KCNG3: variants seen among roughly 807,000 people sequenced by gnomAD.
KCNG3 encodes the protein potassium voltage-gated channel modifier subfamily G member 3, also known as voltage-gated potassium channel regulatory subunit KCNG3.
KCNG3 carries 15 observed loss-of-function variants against 29.0 expected under a neutral mutation model. The ratio of observed to expected loss-of-function variants is 0.52; its 90% confidence interval spans 0.35 to 0.80. The LOEUF (loss-of-function observed/expected upper bound fraction) is 0.80, where lower values mean the gene tolerates loss of function less well. Ranked by LOEUF, KCNG3 falls within the 30% of genes least tolerant of loss-of-function variation. The pLI is 0.01. For synonymous variants in KCNG3, 322 were observed against 248.9 expected (o/e 1.29, Z -2.76); for missense variants, 512 against 605.7 (o/e 0.85, Z 1.62).
the KCNG3 span, among the ~76,000 whole-genome samples, chr2:42,415,281 C>G: frequency 6.6e-6 from 1 of 152,146 alleles, no homozygotes; most frequent in Non-Finnish European, 1.5e-5. Flanking sequence ...CAGATGTTTC[C>G]CTTCCTCCAT....
intron 1 of KCNG3, among the ~76,000 whole-genome samples, chr2:42,488,197 TA>T (rs1400963668): frequency 1.3e-5 from 2 of 152,206 alleles, no homozygotes; most frequent in Non-Finnish European, 2.9e-5. Flanking sequence ...CAAATCAATT[TA>T]AAAGGATTAT....
chr2:42,454,539 T>A (rs1227189181), intron 1 of KCNG3, among the ~76,000 whole-genome samples: 1 of 151,962 alleles, frequency 6.6e-6, no homozygotes, highest in Admixed American at 6.6e-5. Context: ...TGGCAAAACC[T>A]CGTCTCTACT....
the KCNG3 span, among the ~76,000 whole-genome samples, chr2:42,404,681 T>C: frequency 1.3e-5 from 2 of 152,020 alleles, no homozygotes; most frequent in Admixed American, 6.6e-5. Flanking sequence ...TGAGCTGAGA[T>C]TGTGCCACTG....
chr2:42,422,031 A>G, the KCNG3 span, among the ~76,000 whole-genome samples: 1 of 152,228 alleles, frequency 6.6e-6, no homozygotes, highest in Admixed American at 6.5e-5. Flanking sequence ...GTAATGAAGT[A>G]AAAGCCAGAG....
At chr2:42,435,657 G>C in the KCNG3 span, among the ~76,000 whole-genome samples, 1 of 152,116 alleles carries the variant, frequency 6.6e-6, no homozygotes, top group African/African-American at 2.4e-5. Flanking sequence ...CAACAGCATT[G>C]TCATTAGGGA....
intron 1 of KCNG3, among the ~76,000 whole-genome samples, chr2:42,459,199 CA>C (rs557483168): frequency 2.3e-3 from 299 of 129,618 alleles, no homozygotes; most frequent in African/African-American, 6.0e-3. Context: ...TCCATCGTCT[CA>C]AAAAAAAAAA....
At chr2:42,450,889 T>A (rs12620349) in intron 1 of KCNG3, among the ~76,000 whole-genome samples, 32,580 of 152,064 alleles carry the variant, frequency 0.21, 4,150 homozygotes, top group East Asian at 0.58. Flanking sequence ...ATGCAAATGA[T>A]TTTATGACAA....
the KCNG3 span, among the ~76,000 whole-genome samples, chr2:42,428,458 GGAAAA>G: frequency 3.1e-4 from 32 of 104,526 alleles, no homozygotes; most frequent in East Asian, 4.4e-3. Context: ...CCCGGTCTCG[GGAAAA>G]AAAAAAAAAA....
chr2:42,428,754 C>T, the KCNG3 span, among the ~76,000 whole-genome samples: 1 of 152,144 alleles, frequency 6.6e-6, no homozygotes, highest in Non-Finnish European at 1.5e-5. Flanking sequence ...GAAAGATCCA[C>T]AACTCAAATA....
At chr2:42,490,735 C>T (rs1572869891) in intron 1 of KCNG3, among the ~76,000 whole-genome samples, 1 of 152,144 alleles carries the variant, frequency 6.6e-6, no homozygotes, top group Admixed American at 6.5e-5. Flanking sequence ...CTGTAAAGAG[C>T]CTTGAAGGCC....
chr2:42,435,871 C>A, the KCNG3 span, among the ~76,000 whole-genome samples: 1 of 152,194 alleles, frequency 6.6e-6, no homozygotes, highest in Non-Finnish European at 1.5e-5. Context: ...TCTAACCTGG[C>A]AATTCCATTC....
chr2:42,493,562 G>C lies in KCNG3; in HGVS notation c.-61C>G, dbSNP rs879643177. 1 of 1,264,874 alleles carries C rather than the reference G, an allele frequency of 7.9e-7. No homozygotes were observed. Among genetic ancestry groups the C allele is most frequent in the Admixed American group, 4.2e-5 (1 of 23,720 alleles). 78.4% of individuals were successfully genotyped at this position (1,264,874 alleles called of 1,614,324 possible). A position where few individuals can be genotyped will look rare whatever the true frequency, so the allele number is the denominator to read the frequency against. ...CCGCTGCAGCCCCCCACCCCAAGCC[G>C]CCACGCGGGGCCTGCCTGCCCGTGG... On this transcript the variant is annotated 5_prime_UTR_variant, in exon 1 of 2. Coordinates refer to ENST00000306078, the MANE Select transcript of KCNG3 (RefSeq NM_133329.6).
At chr2:42,416,639 G>A in the KCNG3 span, among the ~76,000 whole-genome samples, 1 of 151,596 alleles carries the variant, frequency 6.6e-6, no homozygotes, top group Non-Finnish European at 1.5e-5. Context: ...AACCAGCCTG[G>A]TCACCATCTC....
At chr2:42,450,409 T>G (rs17029732) in intron 1 of KCNG3, among the ~76,000 whole-genome samples, 40,464 of 152,068 alleles carry the variant, frequency 0.27, 6,101 homozygotes, top group East Asian at 0.58. Context: ...ATTCCTCATG[T>G]TTCCAAATGG....
At chr2:42,489,875 A>C (rs1390610) in intron 1 of KCNG3, among the ~76,000 whole-genome samples, 35,097 of 151,942 alleles carry the variant, frequency 0.23, 4,137 homozygotes, top group South Asian at 0.29. Context: ...CAGAGTTGTC[A>C]TTTCTCCTCC....
intron 1 of KCNG3, among the ~76,000 whole-genome samples, chr2:42,458,482 C>T (rs1286739961): frequency 6.6e-6 from 1 of 151,740 alleles, no homozygotes; most frequent in East Asian, 1.9e-4. Flanking sequence ...AAAGAAACAA[C>T]CAAGTTCCTG....
At chr2:42,452,243 A>ATATATATATATATATATTTTTT in intron 1 of KCNG3, among the ~76,000 whole-genome samples, 6 of 95,062 alleles carry the variant, frequency 6.3e-5, no homozygotes, top group Admixed American at 2.2e-4. Context: ...ATATATATAT[A>ATATATATATATATATATTTTTT]TTTTTTTTTT....
rs756639333 is a variant in KCNG3, at chr2:42,444,190, G to A, written c.1055C>T (p.Thr352Ile). The A allele has an allele frequency of 6.2e-7, 1 of 1,614,188 alleles. No individual in the cohort carries two copies. The highest frequency in any genetic ancestry group is 8.5e-7 in the Non-Finnish European group (1 of 1,180,036). The stretch of plus-strand genomic sequence containing the variant: ...AATGCTGGTAAAGTCCTTGTTGGAT[G>A]TTTCCAGGTCCAGCCCATGTTCAAG... ...QLLEHGLDLE[T>I]SNKDFTSIPA... The change falls in exon 2 of 2, where the codon ACA (threonine) becomes ATA (isoleucine). Residue 352 changes from threonine to isoleucine, a missense_variant. Transcript: ENST00000306078. This position sits in a 1 kb window ranked among gnomAD's most constrained non-coding sequence, Gnocchi z 5.8.
intron 1 of KCNG3, among the ~76,000 whole-genome samples, chr2:42,470,872 G>T (rs1240367462): frequency 6.6e-6 from 1 of 151,604 alleles, no homozygotes; most frequent in African/African-American, 2.4e-5. Flanking sequence ...AAAAGAAGTG[G>T]GGGGCCAGGT....
Sources: gnomAD v4.1 joint callset for allele counts (sites outside exome capture counted in the v4.1 genomes callset) on GRCh38, gnomAD v4.1.1 for gene constraint, Gnocchi (gnomAD v3.1) non-coding constraint, MANE v1.5 for transcripts, NCBI Gene and HGNC (gene_info 2026-07-23, HGNC 2026-07-21) for gene names.